Variants in DNAI7 observed in about 807,000 individuals in gnomAD.
DNAI7 encodes cancer susceptibility 1.
Under a neutral mutation model 86.6 loss-of-function variants are expected in DNAI7, and 78 were observed. That is an observed-to-expected ratio of 0.90 (90% CI 0.75 to 1.09). DNAI7 has a LOEUF of 1.09. Ranked by LOEUF, DNAI7 falls within the 50% of genes least tolerant of loss-of-function variation. The pLI, the probability that DNAI7 is intolerant of heterozygous loss-of-function variation, is 0.00. For missense variants in DNAI7, 753 were observed against 810.2 expected (o/e 0.93, Z 0.86); for synonymous variants, 274 against 273.0 (o/e 1.00, Z -0.04).
At chr12:25,120,274 G>C (rs959192818) in intron 11 of DNAI7, among the ~76,000 whole-genome samples, 1 of 148,620 alleles carries the variant, frequency 6.7e-6, no homozygotes, top group Non-Finnish European at 1.5e-5. Flanking sequence ...GTACAGGTGT[G>C]TTAGGGGAGA....
At position 25,179,743 on chromosome 12, in the gene DNAI7, T is replaced by TA. The variant is rs199973804; in HGVS notation, c.21+10870dup. Among the ~76,000 whole-genome samples, 57 of 144,394 alleles carry TA rather than the reference T, an allele frequency of 3.9e-4. 1 individual carries two copies. The highest frequency in any genetic ancestry group is 4.9e-4 in the Admixed American group (7 of 14,340). The allele number at this position is 144,394 out of a possible 152,430, so 94.7% of individuals were successfully genotyped here. A position where few individuals can be genotyped will look rare whatever the true frequency, so the allele number is the denominator to read the frequency against. The stretch of plus-strand genomic sequence containing the variant: ...ATAAAATCCAATATCCTTTCATGAT[T>TA]AAAAAAAAAAACCCTCAAAAAACTA... On this transcript the variant is annotated intron_variant, in intron 2 of 15. Coordinates refer to ENST00000395987, the MANE Select transcript of DNAI7 (RefSeq NM_018272.5).
At chr12:25,163,912 C>A (rs148536793) in intron 2 of DNAI7, among the ~76,000 whole-genome samples, 1 of 152,150 alleles carries the variant, frequency 6.6e-6, no homozygotes, top group Non-Finnish European at 1.5e-5. Flanking sequence ...ACAAAGGAGA[C>A]GCGTTTTATC....
intron 6 of DNAI7, 77 bp from the exon 7 acceptor site, chr12:25,149,851 C>G: frequency 2.4e-6 from 2 of 833,742 alleles, no homozygotes; most frequent in East Asian, 5.4e-5. Flanking sequence ...TGTTTTATCC[C>G]TTTTGAATTG....
intron 1 of DNAI7, 109 bp downstream of exon 1, chr12:25,194,967 G>T: frequency 1.2e-6 from 2 of 1,614,216 alleles, no homozygotes; most frequent in Non-Finnish European, 1.7e-6. Context: ...TTCCCAAACC[G>T]ACCCGCTTCG....
At chr12:25,110,970 A>G (rs138172442) in intron 14 of DNAI7, among the ~76,000 whole-genome samples, 6 of 152,300 alleles carry the variant, frequency 3.9e-5, no homozygotes, top group Non-Finnish European at 8.8e-5. Flanking sequence ...AGAACACTAC[A>G]TTCAACAATG....
intron 2 of DNAI7, among the ~76,000 whole-genome samples, chr12:25,173,937 C>CATATATACGGAATATATATATCAT (rs1397513231): frequency 7.8e-5 from 11 of 141,606 alleles, no homozygotes; most frequent in Non-Finnish European, 1.4e-4. Flanking sequence ...CATATATAAT[C>CATATATACGGAATATATATATCAT]ATATATATGG....
chr12:25,139,272 T>C (rs1324081068), intron 9 of DNAI7, among the ~76,000 whole-genome samples: 1 of 152,174 alleles, frequency 6.6e-6, no homozygotes, highest in African/African-American at 2.4e-5. Context: ...AGCTGAATTC[T>C]ATCAGGCATT....
At chr12:25,112,308 C>T (rs180806003) in intron 13 of DNAI7, among the ~76,000 whole-genome samples, 4 of 151,686 alleles carry the variant, frequency 2.6e-5, no homozygotes, top group Non-Finnish European at 5.9e-5. Flanking sequence ...TTTTCACATC[C>T]GTAAAAGTTA....
intron 8 of DNAI7, among the ~76,000 whole-genome samples, chr12:25,146,257 A>T (rs1174895072): frequency 8.9e-6 from 1 of 112,540 alleles, no homozygotes; most frequent in African/African-American, 3.0e-5. Flanking sequence ...ATTATTTTTA[A>T]GTCACAAAGA....
intron 6 of DNAI7, 25 bp from the exon 7 acceptor site, chr12:25,149,799 T>G (rs1254688068): frequency 1.4e-6 from 2 of 1,380,246 alleles, no homozygotes; most frequent in Admixed American, 3.7e-5. Context: ...AATATTTGCA[T>G]TAATTCTCAG....
intron 2 of DNAI7, among the ~76,000 whole-genome samples, chr12:25,164,003 C>T (rs559793770): frequency 2.3e-3 from 357 of 152,310 alleles, no homozygotes; most frequent in Non-Finnish European, 3.6e-3. Context: ...GGGATGGCTG[C>T]CTGATTATTC....
chr12:25,176,977 A>T (rs1396561357), intron 2 of DNAI7, among the ~76,000 whole-genome samples: 1 of 143,026 alleles, frequency 7.0e-6, no homozygotes, highest in Admixed American at 7.5e-5. Context: ...ATCTCGGCTC[A>T]CTACAACCTC....
At chr12:25,189,568 G>A (rs1171347528) in intron 2 of DNAI7, among the ~76,000 whole-genome samples, 3 of 103,572 alleles carry the variant, frequency 2.9e-5, no homozygotes, top group Admixed American at 1.0e-4. Context: ...CTTGAACCCG[G>A]AAGGTGGAAG....
intron 5 of DNAI7, among the ~76,000 whole-genome samples, chr12:25,154,921 TTA>T (rs1945974110): frequency 6.6e-6 from 1 of 152,208 alleles, no homozygotes; most frequent in African/African-American, 2.4e-5. Context: ...TTTCACTTGA[TTA>T]TACCACAATC....
At chr12:25,128,532 G>GA (rs1173781780) in intron 9 of DNAI7, among the ~76,000 whole-genome samples, 1 of 152,062 alleles carries the variant, frequency 6.6e-6, no homozygotes, top group Non-Finnish European at 1.5e-5. Flanking sequence ...ACTTTCCTCT[G>GA]AACTCCAGGT....
rs1175208316 is a variant in DNAI7, at chr12:25,186,332, TA to T, written c.21+4281del. The stretch of plus-strand genomic sequence containing the variant: ...AATATTACACTCACATTTTTACTAA[TA>T]CACTAATCTTTCTTCATTAAAAAAT... On this transcript the variant is annotated intron_variant, in intron 2 of 15. Transcript: ENST00000395987. 1.3e-5 allele frequency among the ~76,000 whole-genome samples: 2 copies of T among 152,218 alleles called. 1 individual carries two copies. The highest frequency in any genetic ancestry group is 2.9e-5 in the Non-Finnish European group (2 of 68,036).
chr12:25,162,655 C>T (rs1190694896), intron 2 of DNAI7, among the ~76,000 whole-genome samples: 5 of 152,150 alleles, frequency 3.3e-5, no homozygotes, highest in Admixed American at 3.3e-4. Context: ...AATCCATTGC[C>T]TCTACCACTT....
chr12:25,187,296 G>A (rs1482434996), intron 2 of DNAI7, among the ~76,000 whole-genome samples: 1 of 151,942 alleles, frequency 6.6e-6, no homozygotes, highest in East Asian at 1.9e-4. Context: ...ATTCCCCCAG[G>A]TAATTACTAA....
intron 2 of DNAI7, among the ~76,000 whole-genome samples, chr12:25,166,642 C>T (rs1259144696): frequency 1.3e-5 from 2 of 152,108 alleles, no homozygotes; most frequent in African/African-American, 4.8e-5. Context: ...TCCCAAACCC[C>T]AATCCCTTCT....
Sources: gnomAD v4.1 joint callset for allele counts (sites outside exome capture counted in the v4.1 genomes callset) on GRCh38, gnomAD v4.1.1 for gene constraint, MANE v1.5 for transcripts, NCBI Gene and HGNC (gene_info 2026-07-23, HGNC 2026-07-21) for gene names.